Variants in OR9Q1 observed in about 807,000 individuals in gnomAD.
OR9Q1 encodes the protein olfactory receptor family 9 subfamily Q member 1.
For missense variants in OR9Q1, 374 were observed against 378.8 expected (o/e 0.99, Z 0.11); for synonymous variants, 153 against 148.6 (o/e 1.03, Z -0.22).
intron 1 of OR9Q1, chr11:58,044,018 T>A (rs1853192110): frequency 6.6e-6 from 1 of 152,226 alleles, no homozygotes; most frequent in Admixed American, 6.5e-5. Context: ...AAATAAAGAT[T>A]ATGTCATTAG....
At chr11:58,042,914 A>G (rs1042822778) in intron 1 of OR9Q1, among the ~76,000 whole-genome samples, 7 of 152,088 alleles carry the variant, frequency 4.6e-5, no homozygotes, top group African/African-American at 1.7e-4. Context: ...AGCAATTGTA[A>G]ATGGGAGTTC....
chr11:58,129,236 CGTGT>C (rs59902083), intron 2 of OR9Q1, among the ~76,000 whole-genome samples: 13,486 of 144,674 alleles, frequency 0.093, 632 homozygotes, highest in Non-Finnish European at 0.11. Context: ...CAGAGCAATT[CGTGT>C]GTGTGTGTGT....
intron 2 of OR9Q1, among the ~76,000 whole-genome samples, chr11:58,167,632 T>C (rs1854517455): frequency 6.6e-6 from 1 of 152,216 alleles, no homozygotes; most frequent in African/African-American, 2.4e-5. Context: ...GGTAGGCTCA[T>C]GCATCTACGG....
chr11:58,074,014 G>C (rs1853515117), intron 2 of OR9Q1, among the ~76,000 whole-genome samples: 1 of 152,140 alleles, frequency 6.6e-6, no homozygotes, highest in African/African-American at 2.4e-5. Flanking sequence ...AGTAGTCCAT[G>C]GTGTATATGT....
chr11:58,122,752 CCT>C (rs72412546), intron 2 of OR9Q1, among the ~76,000 whole-genome samples: 3,549 of 152,012 alleles, frequency 0.023, 131 homozygotes, highest in African/African-American at 0.081. Flanking sequence ...TACTCCTTCC[CCT>C]GTTCCTCTTA....
chr11:58,054,467 C>A (rs1470260309), intron 1 of OR9Q1, among the ~76,000 whole-genome samples: 1 of 152,120 alleles, frequency 6.6e-6, no homozygotes, highest in Non-Finnish European at 1.5e-5. Flanking sequence ...ATACCAATAC[C>A]AATATTTTTG....
intron 2 of OR9Q1, among the ~76,000 whole-genome samples, chr11:58,139,108 G>GA (rs1854217458): frequency 6.6e-6 from 1 of 151,986 alleles, no homozygotes; most frequent in South Asian, 2.1e-4. Context: ...AAATTCAACA[G>GA]AAAATGAAAA....
chr11:58,178,147 G>A (rs1590628573), intron 2 of OR9Q1, among the ~76,000 whole-genome samples: 2 of 152,056 alleles, frequency 1.3e-5, no homozygotes, highest in South Asian at 4.2e-4. Context: ...ATAAGCAGAG[G>A]AGATCTCACA....
chr11:58,037,653 CTATATATATATATATATATA>C (rs1248262165), intron 1 of OR9Q1, among the ~76,000 whole-genome samples: 12 of 37,430 alleles, frequency 3.2e-4, no homozygotes, highest in African/African-American at 1.1e-3. Flanking sequence ...TAAAGAATAA[CTATATATATATATATATATA>C]TATATATATA....
intron 2 of OR9Q1, among the ~76,000 whole-genome samples, chr11:58,107,586 C>T (rs1362284063): frequency 6.6e-6 from 1 of 152,132 alleles, no homozygotes; most frequent in Non-Finnish European, 1.5e-5. Flanking sequence ...GTGCACGTGT[C>T]TTTATGGTAG....
chr11:58,035,991 TAA>T (rs1421799368), intron 1 of OR9Q1, among the ~76,000 whole-genome samples: 8 of 152,048 alleles, frequency 5.3e-5, no homozygotes, highest in Non-Finnish European at 1.2e-4. Context: ...AATTCTGTGT[TAA>T]GTCTATTAGT....
At chr11:58,112,292 C>CAAAAAAAAAAAA (rs761960271) in intron 2 of OR9Q1, among the ~76,000 whole-genome samples, 2 of 111,714 alleles carry the variant, frequency 1.8e-5, no homozygotes, top group African/African-American at 5.8e-5. Context: ...GACTTCGTCT[C>CAAAAAAAAAAAA]AAAGAAAAAA....
intron 2 of OR9Q1, among the ~76,000 whole-genome samples, chr11:58,112,446 G>A (rs1853911921): frequency 6.6e-6 from 1 of 152,132 alleles, no homozygotes; most frequent in Non-Finnish European, 1.5e-5. Context: ...TACCTATTAG[G>A]ATTTATGTTG....
At chr11:58,081,556 C>T (rs898916719) in intron 2 of OR9Q1, among the ~76,000 whole-genome samples, 2 of 152,172 alleles carry the variant, frequency 1.3e-5, no homozygotes, top group African/African-American at 4.8e-5. Context: ...ATTTGCATTT[C>T]TCTAATGACC....
Position 58,048,679 on chromosome 11 carries a change from A to ATATAT in OR9Q1, c.-92-7191_-92-7190insTATAT, listed in dbSNP as rs1554965247. ...GCAAGGACTCCATCTTAAAAAAAAAAATATATATATATATATTTTTTAGCA... is the reference window on the plus strand; with the variant it reads ...GCAAGGACTCCATCTTAAAAAAAAAATATATATATATATATATATATTTTTTAGCA... On this transcript the variant is annotated intron_variant, in intron 1 of 2. Transcript: ENST00000335397. 4.0e-3 allele frequency among the ~76,000 whole-genome samples: 523 copies of ATATAT among 131,422 alleles called. 1 individual carries two copies. The highest frequency in any genetic ancestry group is 5.3e-3 in the Non-Finnish European group (337 of 63,422). 86.2% of individuals were successfully genotyped at this position (131,422 alleles called of 152,430 possible).
chr11:58,033,697 T>TA (rs1853066333), intron 1 of OR9Q1, among the ~76,000 whole-genome samples: 1 of 152,036 alleles, frequency 6.6e-6, no homozygotes, highest in East Asian at 1.9e-4. Flanking sequence ...GTCCAAACCT[T>TA]ACCATCCCAC....
chr11:58,100,220 A>G (rs911594890), intron 2 of OR9Q1, among the ~76,000 whole-genome samples: 4 of 152,206 alleles, frequency 2.6e-5, no homozygotes, highest in African/African-American at 9.6e-5. Flanking sequence ...CATTTATTGT[A>G]GACTCTAACT....
intron 2 of OR9Q1, among the ~76,000 whole-genome samples, chr11:58,070,417 G>A (rs1364807277): frequency 1.3e-5 from 2 of 151,898 alleles, no homozygotes; most frequent in East Asian, 1.9e-4. Flanking sequence ...CGTGTACACC[G>A]TGTCACCCAC....
In OR9Q1 at chr11:58,085,978, C is replaced by T. The variant is rs1286867504; in HGVS notation, c.-15+30031C>T. 1.3e-5 allele frequency among the ~76,000 whole-genome samples: 2 copies of T among 151,876 alleles called. 1 individual carries two copies. Among genetic ancestry groups the T allele is most frequent in the Non-Finnish European group, 2.9e-5 (2 of 68,016 alleles). On this transcript the variant is annotated intron_variant, in intron 2 of 2. Coordinates refer to ENST00000335397, the MANE Select transcript of OR9Q1 (RefSeq NM_001005212.4). Reference sequence around the variant, plus strand: ...GACCAACACCCAGGTTGCAGACTTGCTTGGCTACAGCTCTGTTTGGTCTTG... The same window carrying T: ...GACCAACACCCAGGTTGCAGACTTGTTTGGCTACAGCTCTGTTTGGTCTTG...
Sources: gnomAD v4.1 joint callset for allele counts (sites outside exome capture counted in the v4.1 genomes callset) on GRCh38, gnomAD v4.1.1 for gene constraint, MANE v1.5 for transcripts, NCBI Gene and HGNC (gene_info 2026-07-23, HGNC 2026-07-21) for gene names.